Variants in NHEJ1 observed in about 807,000 individuals in gnomAD.
The protein encoded by NHEJ1 is non-homologous end-joining factor 1.
Under a neutral mutation model 39.4 loss-of-function variants are expected in NHEJ1, and 22 were observed. That is an observed-to-expected ratio of 0.56 (90% confidence interval 0.40 to 0.80). NHEJ1 has a LOEUF of 0.80. Ranked by LOEUF, NHEJ1 falls within the 30% of genes least tolerant of loss-of-function variation. NHEJ1 has a pLI of 0.00. For synonymous variants in NHEJ1, 154 were observed against 135.6 expected (o/e 1.14, Z -0.94); for missense variants, 329 against 357.1 (o/e 0.92, Z 0.63).
intron 5 of NHEJ1, among the ~76,000 whole-genome samples, chr2:219,100,696 A>G (rs1381493169): frequency 6.6e-6 from 1 of 152,092 alleles, no homozygotes; most frequent in African/African-American, 2.4e-5. Context: ...GAAGAGAATT[A>G]GAATGCAGAT....
At chr2:219,125,620 T>C (rs1949508113) in intron 5 of NHEJ1, 1 of 152,316 alleles carries the variant, frequency 6.6e-6, no homozygotes, top group Non-Finnish European at 1.5e-5. Flanking sequence ...AAAACAGAGC[T>C]GGACAAAGAG....
rs528262982 is a variant in NHEJ1, at chr2:219,071,440, A to G, written c.*4941T>C. ...TCTCTATTGTTTTGAGTGAGGCCCA[A>G]TATTTCCACAGCAGGATTATAGGAT... On this transcript the variant is annotated 3_prime_UTR_variant, in exon 8 of 8. Coordinates refer to ENST00000356853, the MANE Select transcript of NHEJ1 (RefSeq NM_024782.3). Among the ~76,000 whole-genome samples the G allele has an allele frequency of 6.6e-6, 1 of 152,330 alleles. No individual in the cohort carries two copies. Among genetic ancestry groups the G allele is most frequent in the African/African-American group, 2.4e-5 (1 of 41,576 alleles).
chr2:219,115,874 C>A lies in NHEJ1; in HGVS notation c.588+30806G>T, dbSNP rs752353861. On this transcript the variant is annotated intron_variant, in intron 5 of 7. Transcript: ENST00000356853. Reference sequence around the variant, plus strand: ...CGGTGGCTCACACCTGTAATCCCAGCACTTTGGGAGGCCGAGGCGGGCAGA... The same window carrying A: ...CGGTGGCTCACACCTGTAATCCCAGAACTTTGGGAGGCCGAGGCGGGCAGA... Among the ~76,000 whole-genome samples the A allele has an allele frequency of 3.3e-5, 5 of 152,284 alleles. No homozygotes were observed. The East Asian group carries it at 9.6e-4, about 29-fold the overall frequency.
intron 5 of NHEJ1, among the ~76,000 whole-genome samples, chr2:219,117,278 A>G (rs1280045638): frequency 6.6e-6 from 1 of 152,150 alleles, no homozygotes; most frequent in African/African-American, 2.4e-5. Flanking sequence ...AAATCCCACG[A>G]AAGAACAGTA....
At position 219,157,521 on chromosome 2, in the gene NHEJ1, C is replaced by T; in HGVS notation, c.341G>A (p.Gly114Asp). 1 of 1,614,114 alleles carries T rather than the reference C, an allele frequency of 6.2e-7. No homozygotes were observed. The highest frequency in any genetic ancestry group is 8.5e-7 in the Non-Finnish European group (1 of 1,180,026). ...LILRVRSELS[G>D]LPFYWNFHCM... is the part of the protein sequence containing the mutation. ...GTGGAAATTCCAATAGAAGGGGAGG[C>T]CAGAGAGCTCACTTCGCACCCGTAG... is the stretch of plus-strand genomic sequence containing the variant. The change falls in exon 3 of 8, where the codon GGC (glycine) becomes GAC (aspartate). Residue 114 changes from glycine to aspartate, a missense_variant. Coordinates refer to ENST00000356853, the MANE Select transcript of NHEJ1 (RefSeq NM_024782.3).
At chr2:219,078,812 G>C (rs1949037210) in intron 5 of NHEJ1, among the ~76,000 whole-genome samples, 1 of 151,978 alleles carries the variant, frequency 6.6e-6, no homozygotes. Flanking sequence ...ATTCCCCCAA[G>C]GGAGTGAAAA....
intron 5 of NHEJ1, among the ~76,000 whole-genome samples, chr2:219,142,584 T>C (rs568322379): frequency 1.2e-4 from 19 of 152,298 alleles, no homozygotes; most frequent in Admixed American, 4.6e-4. Flanking sequence ...GGCAACCAGA[T>C]GGAGAGAGCG....
chr2:219,107,997 C>T (rs1393273787), intron 5 of NHEJ1, among the ~76,000 whole-genome samples: 3 of 152,054 alleles, frequency 2.0e-5, no homozygotes, highest in Admixed American at 6.5e-5. Flanking sequence ...GCTTCGAGTC[C>T]GCTCAGCGAC....
At chr2:219,139,084 CTTTTCT>C (rs1355244642) in intron 5 of NHEJ1, among the ~76,000 whole-genome samples, 1 of 151,776 alleles carries the variant, frequency 6.6e-6, no homozygotes, top group African/African-American at 2.4e-5. Flanking sequence ...TTCTCATTTT[CTTTTCT>C]TTTTCTTTTT....
chr2:219,157,012 A>G (rs1173387702), intron 3 of NHEJ1, among the ~76,000 whole-genome samples: 4 of 152,294 alleles, frequency 2.6e-5, no homozygotes, highest in East Asian at 3.9e-4. Flanking sequence ...CTTGCCTACA[A>G]TGATTTTTCT....
At chr2:219,150,260 C>T (rs185260959) in intron 3 of NHEJ1, among the ~76,000 whole-genome samples, 36 of 152,144 alleles carry the variant, frequency 2.4e-4, no homozygotes, top group Non-Finnish European at 5.0e-4. Flanking sequence ...AAGTTAGTGG[C>T]GGCAGCTTTT....
At chr2:219,095,908 C>A (rs765356865) in intron 5 of NHEJ1, among the ~76,000 whole-genome samples, 2 of 151,844 alleles carry the variant, frequency 1.3e-5, no homozygotes, top group Non-Finnish European at 2.9e-5. Flanking sequence ...GGGTAAGAGG[C>A]TTGATAAACC....
intron 2 of NHEJ1, 152 bp downstream of exon 2, chr2:219,158,034 C>A (rs1299975370): frequency 3.3e-6 from 2 of 611,338 alleles, no homozygotes; most frequent in Non-Finnish European, 5.9e-6. Context: ...CACACACACA[C>A]ACACAAAGAT....
At chr2:219,086,206 G>A (rs1255067925) in intron 5 of NHEJ1, among the ~76,000 whole-genome samples, 1 of 151,978 alleles carries the variant, frequency 6.6e-6, no homozygotes, top group Non-Finnish European at 1.5e-5. Context: ...ATTTATTTTG[G>A]GGTTTTTTTC....
intron 5 of NHEJ1, among the ~76,000 whole-genome samples, chr2:219,078,601 A>G (rs1949035279): frequency 6.6e-6 from 1 of 152,226 alleles, no homozygotes; most frequent in Non-Finnish European, 1.5e-5. Flanking sequence ...AAAATGATAA[A>G]ATTCAGGATA....
chr2:219,130,726 T>G (rs1245454561), intron 5 of NHEJ1, among the ~76,000 whole-genome samples: 1 of 152,148 alleles, frequency 6.6e-6, no homozygotes, highest in African/African-American at 2.4e-5. Flanking sequence ...TGAGTCCACT[T>G]ACGGTACTGA....
intron 5 of NHEJ1, among the ~76,000 whole-genome samples, chr2:219,129,416 C>G (rs2106349950): frequency 6.6e-6 from 1 of 152,292 alleles, no homozygotes; most frequent in African/African-American, 2.4e-5. Flanking sequence ...GACATTTTCT[C>G]CAAGAGCTCT....
chr2:219,120,663 G>T (rs568241450), intron 5 of NHEJ1, among the ~76,000 whole-genome samples: 2 of 152,240 alleles, frequency 1.3e-5, no homozygotes, highest in South Asian at 4.1e-4. Context: ...ACCTAGGATT[G>T]CTAGCTTAAA....
chr2:219,137,102 C>G (rs977762655), intron 5 of NHEJ1, among the ~76,000 whole-genome samples: 2 of 150,956 alleles, frequency 1.3e-5, no homozygotes, highest in African/African-American at 4.9e-5. Flanking sequence ...GTGGTAACCC[C>G]TGGTTACTAC....
Sources: gnomAD v4.1 joint callset for allele counts (sites outside exome capture counted in the v4.1 genomes callset) on GRCh38, gnomAD v4.1.1 for gene constraint, MANE v1.5 for transcripts, NCBI Gene and HGNC (gene_info 2026-07-23, HGNC 2026-07-21) for gene names.